CAMK2B: variants seen among roughly 807,000 people sequenced by gnomAD.
The protein encoded by CAMK2B is calcium/calmodulin-dependent protein kinase type II subunit beta.
Under a neutral mutation model 93.7 loss-of-function variants are expected in CAMK2B, and 27 were observed. The ratio of observed to expected loss-of-function variants is 0.29; its 90% CI spans 0.21 to 0.40. The LOEUF (loss-of-function observed/expected upper bound fraction) is 0.40. Among genes scored for constraint, CAMK2B ranks in the 10% least tolerant of loss-of-function variants. CAMK2B has a pLI of 1.00. For synonymous variants in CAMK2B, 374 were observed against 358.8 expected, an observed-to-expected ratio of 1.04 and a Z score of -0.48; for missense variants, 568 against 895.8, an observed-to-expected ratio of 0.63 and a Z score of 4.67.
At chr7:44,232,105 G>A (rs1225760563) in intron 16 of CAMK2B, among the ~76,000 whole-genome samples, 1 of 152,158 alleles carries the variant, frequency 6.6e-6, no homozygotes, top group African/African-American at 2.4e-5. Flanking sequence ...GTGCCCCTTG[G>A]ACCCCCTGGT....
chr7:44,325,307 C>T (rs144577125), intron 1 of CAMK2B, 50 bp downstream of exon 1: 59,035 of 1,108,342 alleles, frequency 0.053, 2,110 homozygotes, highest in African/African-American at 0.16. Context: ...TCCCGGAGGT[C>T]CCGGCCCTCT....
intron 1 of CAMK2B, among the ~76,000 whole-genome samples, chr7:44,287,602 T>G (rs1785481175): frequency 6.6e-6 from 1 of 152,204 alleles, no homozygotes; most frequent in South Asian, 2.1e-4. Context: ...CCAACATCTC[T>G]GACTTCTCCA....
At chr7:44,299,871 T>C (rs1789405958) in intron 1 of CAMK2B, among the ~76,000 whole-genome samples, 1 of 152,216 alleles carries the variant, frequency 6.6e-6, no homozygotes, top group Non-Finnish European at 1.5e-5. Context: ...AAAGAATGGA[T>C]TCTTTAATGG....
intron 19 of CAMK2B, 65 bp from the exon 20 acceptor site, chr7:44,226,709 T>G (rs1583787811): frequency 2.5e-6 from 3 of 1,184,790 alleles, no homozygotes; most frequent in South Asian, 3.3e-5. Context: ...AGAGAAACCA[T>G]GGGCAGACAG....
intron 1 of CAMK2B, among the ~76,000 whole-genome samples, chr7:44,284,991 A>C (rs1168285041): frequency 2.0e-5 from 3 of 152,120 alleles, no homozygotes; most frequent in Non-Finnish European, 2.9e-5. Context: ...AGCCCAAGAG[A>C]CACAAGGAAG....
At chr7:44,294,612 C>G (rs1171774499) in intron 1 of CAMK2B, among the ~76,000 whole-genome samples, 3 of 152,206 alleles carry the variant, frequency 2.0e-5, no homozygotes, top group Middle Eastern at 3.2e-3. Context: ...CCTCCTGGCC[C>G]TGGATCAGTC....
chr7:44,272,725 G>A (rs895531071), intron 2 of CAMK2B, among the ~76,000 whole-genome samples: 4 of 152,220 alleles, frequency 2.6e-5, no homozygotes, highest in Non-Finnish European at 5.9e-5. Flanking sequence ...GGGAGCCCAG[G>A]CCAGGCCAGT....
chr7:44,279,214 G>A (rs1375169369), intron 2 of CAMK2B, among the ~76,000 whole-genome samples: 1 of 152,218 alleles, frequency 6.6e-6, no homozygotes, highest in Non-Finnish European at 1.5e-5. Context: ...AACATCCCAG[G>A]GTCTGGGGCC....
At chr7:44,315,505 C>G (rs1235067914) in intron 1 of CAMK2B, among the ~76,000 whole-genome samples, 2 of 152,192 alleles carry the variant, frequency 1.3e-5, no homozygotes, top group African/African-American at 4.8e-5. Context: ...AATCAGAACC[C>G]GTGAGTCCTC....
chr7:44,284,575 T>C (rs938293080), intron 1 of CAMK2B, among the ~76,000 whole-genome samples: 12 of 152,186 alleles, frequency 7.9e-5, no homozygotes, highest in African/African-American at 2.4e-4. Flanking sequence ...CAGGCCTGTA[T>C]CCTTGTGGGT....
At chr7:44,299,230 T>A (rs1449299377) in intron 1 of CAMK2B, among the ~76,000 whole-genome samples, 1 of 152,226 alleles carries the variant, frequency 6.6e-6, no homozygotes, top group African/African-American at 2.4e-5. Context: ...GGAAATCATG[T>A]CTACAACATA....
chr7:44,228,932 G>A lies in CAMK2B; in HGVS notation c.1340-8C>T. 6.2e-7 allele frequency: 1 copy of A among 1,609,160 alleles called. No homozygotes were observed. Among genetic ancestry groups the A allele is most frequent in the Non-Finnish European group, 8.5e-7 (1 of 1,177,654 alleles). On this transcript the variant is annotated splice_polypyrimidine_tract_variant and splice_region_variant and intron_variant, in intron 18 of 23. Transcript: ENST00000395749. ...TGTCAGAGATCCTGGGGGCTGGGGT[G>A]GAACAGATGAGACGTGAACATGAGG...
At chr7:44,307,165 G>A (rs1293113080) in intron 1 of CAMK2B, among the ~76,000 whole-genome samples, 1 of 132,644 alleles carries the variant, frequency 7.5e-6, no homozygotes, top group Non-Finnish European at 1.6e-5. Flanking sequence ...AGGAGGGTGT[G>A]AGCAGAGGGA....
intron 1 of CAMK2B, among the ~76,000 whole-genome samples, chr7:44,288,252 G>A (rs954641692): frequency 6.6e-6 from 1 of 152,258 alleles, no homozygotes; most frequent in African/African-American, 2.4e-5. Flanking sequence ...CTCGAAGCCC[G>A]GTCTTCTTAT....
At chr7:44,231,280 G>C (rs112538094) in intron 16 of CAMK2B, among the ~76,000 whole-genome samples, 1 of 152,214 alleles carries the variant, frequency 6.6e-6, no homozygotes, top group Non-Finnish European at 1.5e-5. Flanking sequence ...AGTGACCGGA[G>C]AAGACACCCA....
chr7:44,243,706 G>A (rs2128972747), intron 6 of CAMK2B, among the ~76,000 whole-genome samples, 179 bp from the exon 7 acceptor site: 1 of 152,190 alleles, frequency 6.6e-6, no homozygotes, highest in South Asian at 2.1e-4. Context: ...CAGAGTCCCA[G>A]ACGCTGAGCC....
intron 20 of CAMK2B, among the ~76,000 whole-genome samples, chr7:44,222,087 C>T (rs2096415065): frequency 6.6e-6 from 1 of 152,174 alleles, no homozygotes; most frequent in Non-Finnish European, 1.5e-5. Context: ...CACACTCACA[C>T]ACAGAACACA....
At chr7:44,324,113 G>C (rs1162549780) in intron 1 of CAMK2B, among the ~76,000 whole-genome samples, 1 of 152,186 alleles carries the variant, frequency 6.6e-6, no homozygotes, top group African/African-American at 2.4e-5. Context: ...GAGAAGTGGG[G>C]AATGAACACA....
At chr7:44,288,061 C>A (rs1481804797) in intron 1 of CAMK2B, among the ~76,000 whole-genome samples, 1 of 152,218 alleles carries the variant, frequency 6.6e-6, no homozygotes. Context: ...CCCAGCAGTA[C>A]AGGAAGAGCG....
Sources: gnomAD v4.1 joint callset for allele counts (sites outside exome capture counted in the v4.1 genomes callset) on GRCh38, gnomAD v4.1.1 for gene constraint, MANE v1.5 for transcripts, NCBI Gene and HGNC (gene_info 2026-07-23, HGNC 2026-07-21) for gene names.